Variants in APP observed in about 807,000 individuals in gnomAD.
The protein encoded by APP is amyloid beta precursor protein.
APP carries 31 observed loss-of-function variants against 101.4 expected under a neutral mutation model. The ratio of observed to expected loss-of-function variants is 0.31; its 90% confidence interval spans 0.23 to 0.41. The LOEUF (loss-of-function observed/expected upper bound fraction) is 0.41. Ranked by LOEUF, APP falls within the 10% of genes least tolerant of loss-of-function variation. The pLI is 1.00. For synonymous variants in APP, 366 were observed against 364.4 expected (o/e 1.00, Z -0.05); for missense variants, 839 against 1,003.7 (o/e 0.84, Z 2.22).
intron 13 of APP, among the ~76,000 whole-genome samples, chr21:25,940,294 G>A (rs994090139): frequency 6.6e-6 from 1 of 152,110 alleles, no homozygotes; most frequent in Non-Finnish European, 1.5e-5. Context: ...ACAAGCAGAA[G>A]TGCCCCTCTC....
intron 1 of APP, among the ~76,000 whole-genome samples, chr21:26,118,251 C>A (rs1390161667): frequency 5.9e-5 from 9 of 152,108 alleles, no homozygotes; most frequent in Non-Finnish European, 1.5e-5. Flanking sequence ...TGCATTTAGG[C>A]AGGACCCAGT....
intron 17 of APP, among the ~76,000 whole-genome samples, chr21:25,890,658 G>C (rs1219779171): frequency 2.1e-5 from 3 of 142,608 alleles, no homozygotes; most frequent in Non-Finnish European, 4.5e-5. Flanking sequence ...AGAATTGCTT[G>C]AACCCAGGAG....
intron 8 of APP, among the ~76,000 whole-genome samples, chr21:25,989,998 T>C (rs922621609): frequency 8.5e-5 from 13 of 152,080 alleles, no homozygotes; most frequent in African/African-American, 3.1e-4. Context: ...TACATTCAAA[T>C]ATTTATCCTA....
Position 25,887,898 on chromosome 21 carries a change from C to T in APP, c.2211+3824G>A, listed in dbSNP as rs140259484. On this transcript the variant is annotated intron_variant, in intron 17 of 17. Transcript: ENST00000346798. ...CCGCCCCATGCCACATTTCTCAGAA[C>T]GTTCTCTCCAGTGTGAAGTGGTATG... Among the ~76,000 whole-genome samples, 108 of 152,294 alleles carry T rather than the reference C, an allele frequency of 7.1e-4. 1 individual carries two copies. The highest frequency in any genetic ancestry group is 2.4e-3 in the African/African-American group (98 of 41,568).
chr21:26,090,734 C>A (rs2061806342), intron 2 of APP, among the ~76,000 whole-genome samples: 1 of 152,140 alleles, frequency 6.6e-6, no homozygotes, highest in South Asian at 2.1e-4. Flanking sequence ...ATTCAACCTC[C>A]CCCTATCTCT....
intron 3 of APP, among the ~76,000 whole-genome samples, chr21:26,079,837 A>G (rs966980894): frequency 1.3e-5 from 2 of 152,210 alleles, no homozygotes; most frequent in African/African-American, 4.8e-5. Context: ...CTAAAAGCCT[A>G]TCTAGGCCGG....
intron 2 of APP, among the ~76,000 whole-genome samples, chr21:26,104,210 T>G (rs45603034): frequency 0.029 from 2,555 of 88,492 alleles, 72 homozygotes; most frequent in African/African-American, 0.08. Flanking sequence ...AGGTATCATC[T>G]CCGAATACCA....
intron 13 of APP, among the ~76,000 whole-genome samples, chr21:25,949,846 T>C (rs115917565): frequency 0.016 from 2,434 of 152,200 alleles, 52 homozygotes; most frequent in African/African-American, 0.054. Flanking sequence ...AGAACACAGA[T>C]TTTGGACTTC....
At chr21:25,983,306 T>G (rs975465214) in intron 8 of APP, among the ~76,000 whole-genome samples, 9 of 152,190 alleles carry the variant, frequency 5.9e-5, no homozygotes, top group African/African-American at 2.2e-4. Context: ...AATTTTGACT[T>G]AAGAGGAAGC....
At chr21:26,162,783 A>C (rs2063518418) in intron 1 of APP, among the ~76,000 whole-genome samples, 1 of 146,944 alleles carries the variant, frequency 6.8e-6, no homozygotes. Context: ...GTAATTTATC[A>C]GTCTGTATCA....
chr21:25,899,470 C>T (rs997259017), intron 15 of APP, among the ~76,000 whole-genome samples: 10 of 152,154 alleles, frequency 6.6e-5, no homozygotes, highest in African/African-American at 2.4e-4. Context: ...ACTAAAACTT[C>T]CTTAATCTCT....
intron 13 of APP, among the ~76,000 whole-genome samples, chr21:25,944,454 G>A (rs765475597): frequency 2.0e-5 from 3 of 152,058 alleles, no homozygotes; most frequent in Non-Finnish European, 2.9e-5. Flanking sequence ...TAGTGCATAC[G>A]GCAGGAAAAC....
Position 26,096,255 on chromosome 21 carries a change from T to C in APP, c.226-6183A>G, listed in dbSNP as rs139207270. 1.6e-3 allele frequency among the ~76,000 whole-genome samples: 244 copies of C among 152,340 alleles called. 1 individual carries two copies. The highest frequency in any genetic ancestry group is 5.6e-3 in the African/African-American group (231 of 41,578). On this transcript the variant is annotated intron_variant, in intron 2 of 17. Coordinates refer to ENST00000346798, the MANE Select transcript of APP (RefSeq NM_000484.4). ...GTGTGCCTCACATCGCTATTAAGTT[T>C]GTATCTGTACTGCCTGCCTGGTGAA...
At chr21:25,987,582 G>C (rs146300292) in intron 8 of APP, among the ~76,000 whole-genome samples, 124 of 152,274 alleles carry the variant, frequency 8.1e-4, no homozygotes, top group African/African-American at 2.9e-3. Flanking sequence ...ATGAAAAAAT[G>C]TAACAGAAAA....
Position 26,163,978 on chromosome 21 carries a change from G to A in APP, c.57+6586C>T, listed in dbSNP as rs930109757. Among the ~76,000 whole-genome samples the A allele has an allele frequency of 1.1e-4, 17 of 152,322 alleles. 1 individual carries two copies. The South Asian group carries it at 2.9e-3, about 26-fold the overall frequency. On this transcript the variant is annotated intron_variant, in intron 1 of 17. Coordinates refer to ENST00000346798, the MANE Select transcript of APP (RefSeq NM_000484.4). ...TCACTTTACTGCAGCTGGGCGCGGT[G>A]GCTCACGCCTGTAATCGCAGCACTT...
chr21:26,018,649 C>T (rs2044205492), intron 6 of APP, among the ~76,000 whole-genome samples: 1 of 152,122 alleles, frequency 6.6e-6, no homozygotes, highest in Non-Finnish European at 1.5e-5. Context: ...AGACTTGCCT[C>T]AATTAGAGCT....
In APP at chr21:26,021,887, G is replaced by T; in HGVS notation, c.818C>A (p.Ala273Asp). 6.2e-7 allele frequency: 1 copy of T among 1,613,530 alleles called. No individual in the cohort carries two copies. ...CTCTGTGGTGGTGGTGGTGGTGGTG[G>T]CAATGCTGGTGGTTCTCTCTGTGGC... ...EEATERTTSIATTTTTTTESV... is the reference protein window; with the variant it reads ...EEATERTTSIDTTTTTTTESV... Residue 273 changes from alanine to aspartate, a missense_variant, in exon 6 of 18, where the codon GCC (alanine) becomes GAC (aspartate). By Grantham distance (126) the Ala-to-Asp change is moderately radical. Coordinates refer to ENST00000346798, the MANE Select transcript of APP (RefSeq NM_000484.4).
At chr21:25,993,581 G>A (rs959106761) in intron 8 of APP, among the ~76,000 whole-genome samples, 2 of 152,214 alleles carry the variant, frequency 1.3e-5, no homozygotes, top group Admixed American at 6.5e-5. Flanking sequence ...AATATTGAGA[G>A]CTTGGACAAT....
chr21:26,090,161 G>A (rs2061793094), intron 2 of APP, 89 bp from the exon 3 acceptor site: 2 of 1,570,338 alleles, frequency 1.3e-6, no homozygotes, highest in African/African-American at 2.7e-5. Flanking sequence ...GTAAGGTACA[G>A]GTGGAGTGTC....
Sources: allele counts gnomAD v4.1 joint callset (sites outside exome capture counted in the v4.1 genomes callset), GRCh38; gene constraint gnomAD v4.1.1; transcripts MANE v1.5; gene names NCBI Gene and HGNC (gene_info 2026-07-23, HGNC 2026-07-21).